Variants in SH3BGR observed in about 807,000 individuals in gnomAD.
The protein encoded by SH3BGR is SH3 domain-binding glutamic acid-rich protein.
SH3BGR carries 29 observed loss-of-function variants against 24.5 expected under a neutral mutation model. The ratio of observed to expected loss-of-function variants is 1.18; its 90% CI spans 0.88 to 1.61. The LOEUF is 1.61. SH3BGR is among the 40% of genes most tolerant of loss of function. SH3BGR has a pLI of 0.00. For synonymous variants in SH3BGR, 55 were observed against 65.7 expected, an observed-to-expected ratio of 0.84 and a Z score of 0.79; for missense variants, 162 against 205.8, an observed-to-expected ratio of 0.79 and a Z score of 1.30.
chr21:39,504,242 A>G (rs1001992914), intron 4 of SH3BGR, among the ~76,000 whole-genome samples: 1 of 152,164 alleles, frequency 6.6e-6, no homozygotes, highest in African/African-American at 2.4e-5. Flanking sequence ...TCTTGAGAAA[A>G]GTTTCAAGGG....
intron 4 of SH3BGR, among the ~76,000 whole-genome samples, chr21:39,501,473 A>AT (rs973095467): frequency 4.7e-4 from 72 of 152,270 alleles, no homozygotes; most frequent in African/African-American, 1.5e-3. Flanking sequence ...TAAAAAAACC[A>AT]TTTTTTGTTA....
intron 5 of SH3BGR, 125 bp downstream of exon 5, chr21:39,509,152 G>C: frequency 1.5e-6 from 1 of 666,138 alleles, no homozygotes. Context: ...CACACACCCA[G>C]AAAATCCTCC....
intron 5 of SH3BGR, 150 bp downstream of exon 5, chr21:39,509,177 A>G: frequency 1.7e-6 from 1 of 595,280 alleles, no homozygotes. Context: ...ACATGCTGAG[A>G]AGGAAAGTAA....
chr21:39,454,646 C>T (rs138784089), intron 1 of SH3BGR, among the ~76,000 whole-genome samples: 4 of 152,326 alleles, frequency 2.6e-5, no homozygotes, highest in African/African-American at 9.6e-5. Flanking sequence ...AGGACAGACC[C>T]TCATAGTGGC....
chr21:39,468,472 T>C (rs975194814), intron 2 of SH3BGR, among the ~76,000 whole-genome samples: 2 of 152,176 alleles, frequency 1.3e-5, no homozygotes, highest in Non-Finnish European at 2.9e-5. Flanking sequence ...AGGGTCTTGC[T>C]TTGTCACCCA....
chr21:39,494,087 A>G (rs1345997937), intron 3 of SH3BGR, among the ~76,000 whole-genome samples: 5 of 152,138 alleles, frequency 3.3e-5, no homozygotes, highest in Non-Finnish European at 7.4e-5. Flanking sequence ...TAATGTTATA[A>G]CACTTTCATG....
intron 4 of SH3BGR, among the ~76,000 whole-genome samples, chr21:39,500,194 G>A (rs1321361069): frequency 6.6e-6 from 1 of 152,064 alleles, no homozygotes; most frequent in East Asian, 1.9e-4. Flanking sequence ...TTATGGCTAG[G>A]TTAGGTGTAT....
upstream of SH3BGR, among the ~76,000 whole-genome samples, chr21:39,447,532 C>G (rs1197301618): frequency 1.3e-5 from 2 of 149,156 alleles, no homozygotes; most frequent in African/African-American, 4.9e-5. Flanking sequence ...TCTCCTGCAT[C>G]AGCCTCCTGA....
In SH3BGR at chr21:39,475,154, C is replaced by T. The variant is rs926918541; in HGVS notation, c.251C>T (p.Ser84Phe). The change falls in exon 3 of 7, where the codon TCT (serine) becomes TTT (phenylalanine). Residue 84 changes from serine to phenylalanine, a missense_variant. By Grantham distance (155) the Ser-to-Phe change is radical (BLOSUM62 -2). Transcript: ENST00000333634. ...TTCAAGGATTTTGACTCTTTCTTCTCTGCAAAAGAAGAGAATATTATTTAT... is the reference window on the plus strand; with the variant it reads ...TTCAAGGATTTTGACTCTTTCTTCTTTGCAAAAGAAGAGAATATTATTTAT... ...QYCGDFDSFF[S>F]AKEENIIYSF... is the part of the protein sequence containing the mutation. 6.8e-6 allele frequency: 11 copies of T among 1,610,064 alleles called. No individual in the cohort carries two copies. Among genetic ancestry groups the T allele is most frequent in the Non-Finnish European group, 9.3e-6 (11 of 1,176,852 alleles).
chr21:39,477,451 A>G (rs755530834), intron 3 of SH3BGR, among the ~76,000 whole-genome samples: 11 of 152,106 alleles, frequency 7.2e-5, no homozygotes, highest in Non-Finnish European at 1.5e-4. Flanking sequence ...TTTTTTCACT[A>G]TGCTTATATT....
At chr21:39,473,071 G>A (rs2077968462) in intron 2 of SH3BGR, among the ~76,000 whole-genome samples, 1 of 151,956 alleles carries the variant, frequency 6.6e-6, no homozygotes, top group African/African-American at 2.4e-5. Flanking sequence ...ATCTGCCATA[G>A]TAGCAGAACT....
Position 39,515,258 on chromosome 21 carries a change from C to A in SH3BGR, c.*205C>A, listed in dbSNP as rs1522. 25,292 of 356,440 alleles carry A rather than the reference C, an allele frequency of 0.071. 1,333 individuals are homozygous for A. The highest frequency in any genetic ancestry group is 0.17 in the African/African-American group (8,084 of 46,390). The allele number at this position is 356,440 out of a possible 1,614,324, so 22.1% of individuals were successfully genotyped here. Reference sequence around the variant, plus strand: ...ATCATACAAAATTAAATGTGAAGACCGTTTATGCATACCTTCATGTGCCTG... The same window carrying A: ...ATCATACAAAATTAAATGTGAAGACAGTTTATGCATACCTTCATGTGCCTG... On this transcript the variant is annotated 3_prime_UTR_variant, in exon 7 of 7. Coordinates refer to ENST00000333634, the MANE Select transcript of SH3BGR (RefSeq NM_007341.3).
chr21:39,452,194 G>A (rs769849809), intron 1 of SH3BGR, 53 bp downstream of exon 1: 55 of 1,610,100 alleles, frequency 3.4e-5, no homozygotes, highest in Non-Finnish European at 4.5e-5. Flanking sequence ...ATAACTTAGG[G>A]TTGGAAATAT....
intron 4 of SH3BGR, among the ~76,000 whole-genome samples, chr21:39,508,293 T>C (rs1331110004): frequency 6.6e-6 from 1 of 152,196 alleles, no homozygotes; most frequent in African/African-American, 2.4e-5. Context: ...TATCGGACCA[T>C]TCTGGGAAGG....
intron 3 of SH3BGR, among the ~76,000 whole-genome samples, chr21:39,477,175 A>G (rs991256341): frequency 2.6e-5 from 4 of 152,086 alleles, no homozygotes; most frequent in Non-Finnish European, 5.9e-5. Context: ...TTATTCCTAT[A>G]TGTTTAATTT....
At chr21:39,465,044 G>A (rs1012291510) in intron 2 of SH3BGR, among the ~76,000 whole-genome samples, 4 of 152,020 alleles carry the variant, frequency 2.6e-5, no homozygotes, top group Non-Finnish European at 5.9e-5. Context: ...GTGCAGTGGT[G>A]CAATCATGCC....
intron 2 of SH3BGR, among the ~76,000 whole-genome samples, chr21:39,473,895 A>AC (rs1555911829): frequency 6.6e-6 from 1 of 150,932 alleles, no homozygotes; most frequent in South Asian, 2.1e-4. Flanking sequence ...AAAAAAAAAA[A>AC]CAAAAAACAG....
chr21:39,473,508 A>G (rs1277654595), intron 2 of SH3BGR, among the ~76,000 whole-genome samples: 1 of 152,214 alleles, frequency 6.6e-6, no homozygotes, highest in Non-Finnish European at 1.5e-5. Flanking sequence ...GCTTCCAACC[A>G]TGTATTCAGT....
At chr21:39,449,106 A>T (rs1226729520), upstream of SH3BGR, among the ~76,000 whole-genome samples, 1 of 152,196 alleles carries the variant, frequency 6.6e-6, no homozygotes, top group Non-Finnish European at 1.5e-5. Flanking sequence ...CTCCACCCCA[A>T]GGTGAACATG....
Sources: allele counts gnomAD v4.1 joint callset (sites outside exome capture counted in the v4.1 genomes callset), GRCh38; gene constraint gnomAD v4.1.1; transcripts MANE v1.5; gene names NCBI Gene and HGNC (gene_info 2026-07-23, HGNC 2026-07-21).